The following GNB5 variants were observed in gnomAD, a reference collection of about 807,000 sequenced individuals.
GNB5 encodes G protein subunit beta 5.
A neutral mutation model predicts 55.3 loss-of-function variants in GNB5; 37 were observed. The ratio of observed to expected loss-of-function variants is 0.67; its 90% CI spans 0.51 to 0.88. GNB5 has a LOEUF of 0.88. GNB5 is among the 40% of genes least tolerant of loss of function. The pLI is 0.00. For synonymous variants in GNB5, 219 were observed against 198.5 expected (o/e 1.10, Z -0.87); for missense variants, 476 against 515.3 (o/e 0.92, Z 0.74).
chr15:52,124,515 A>G lies in GNB5; in HGVS notation c.1134T>C (p.Asp378=). The part of the protein sequence containing the change: ...NRVSTLRVSP[D]GTAFCSGSWD... ...ATGATCCAGAGCAGAAAGCAGTCCC[A>G]TCGGGGGAAACTCGTAGAGTGCTAA... Residue 378 remains aspartate (D), a synonymous_variant, in exon 12 of 13, where the codon GAT becomes GAC. Coordinates refer to ENST00000261837, the MANE Select transcript of GNB5 (RefSeq NM_016194.4). 3.7e-6 allele frequency: 6 copies of G among 1,614,076 alleles called. No individual in the cohort carries two copies. Among genetic ancestry groups the G allele is most frequent in the Non-Finnish European group, 5.1e-6 (6 of 1,179,888 alleles).
chr15:52,179,848 G>T lies in GNB5; in HGVS notation c.158C>A (p.Thr53Lys). 1 of 1,553,844 alleles carries T rather than the reference G, an allele frequency of 6.4e-7. No individual in the cohort carries two copies. Among genetic ancestry groups the T allele is most frequent in the Non-Finnish European group, 8.7e-7 (1 of 1,151,306 alleles). The change falls in exon 3 of 13, where the codon ACG (threonine) becomes AAG (lysine). Residue 53 changes from threonine to lysine, a missense_variant. Transcript: ENST00000261837. ...GGCCTCGCTCTTCAGCGACGCCAGC[G>T]TCTCGTTCTCGTGCAGCCCCTCGGT... ...MATEGLHENE[T>K]LASLKSEAES...
rs1003548229 is a variant in GNB5 at position 52,117,880 on chromosome 15, G to C, written c.*4877C>G. ...GCAGTGCAGGAACCTGCCATGGGTG[G>C]GACGATTCTTCTCAGCAGGCAAGTT... On this transcript the variant is annotated 3_prime_UTR_variant, in exon 13 of 13. Coordinates refer to ENST00000261837, the MANE Select transcript of GNB5 (RefSeq NM_016194.4). The C allele has an allele frequency of 4.6e-5, 7 of 152,484 alleles. No homozygotes were observed. Among genetic ancestry groups the C allele is most frequent in the African/African-American group, 1.7e-4 (7 of 41,474 alleles). 9.4% of individuals were successfully genotyped at this position (152,484 alleles called of 1,614,324 possible).
chr15:52,163,183 G>A (rs1413701906), intron 3 of GNB5, among the ~76,000 whole-genome samples: 3 of 152,188 alleles, frequency 2.0e-5, no homozygotes, highest in Admixed American at 1.3e-4. Context: ...CCTGTGGATC[G>A]GGAGATCACC....
At chr15:52,179,705 T>C (rs1033291614) in intron 3 of GNB5, 63 bp downstream of exon 3, 171 of 633,422 alleles carry the variant, frequency 2.7e-4, no homozygotes, top group Non-Finnish European at 3.7e-4. Flanking sequence ...GCCCCCGCCG[T>C]CCCCGCCCGG....
At chr15:52,125,283 A>AT (rs916173905) in intron 11 of GNB5, 16 of 148,912 alleles carry the variant, frequency 1.1e-4, no homozygotes, top group South Asian at 2.1e-4. Flanking sequence ...GAAGGGACTC[A>AT]TTTTTTTTTT....
At chr15:52,163,513 C>T (rs1279432697) in intron 3 of GNB5, among the ~76,000 whole-genome samples, 1 of 152,202 alleles carries the variant, frequency 6.6e-6, no homozygotes, top group Non-Finnish European at 1.5e-5. Context: ...GGGACAGACA[C>T]TATCTCTGCA....
chr15:52,163,965 C>A (rs1385366879), intron 3 of GNB5, among the ~76,000 whole-genome samples: 1 of 152,046 alleles, frequency 6.6e-6, no homozygotes, highest in Non-Finnish European at 1.5e-5. Flanking sequence ...CTGGAGTGGA[C>A]CCCCAGCAAA....
intron 7 of GNB5, among the ~76,000 whole-genome samples, chr15:52,138,138 T>C (rs772715375): frequency 6.6e-6 from 1 of 151,964 alleles, no homozygotes. Flanking sequence ...TTCCCAGCAC[T>C]TTGGGAGGCT....
chr15:52,131,735 T>C (rs1337991371), intron 9 of GNB5, among the ~76,000 whole-genome samples: 1 of 152,240 alleles, frequency 6.6e-6, no homozygotes, highest in African/African-American at 2.4e-5. Flanking sequence ...GCAAGTATTC[T>C]TTTTTGTTCT....
intron 7 of GNB5, among the ~76,000 whole-genome samples, chr15:52,140,887 G>A (rs533744411): frequency 1.4e-4 from 21 of 152,186 alleles, no homozygotes; most frequent in East Asian, 9.7e-4. Flanking sequence ...TCCCACCCTC[G>A]CCAAGTCAAT....
intron 3 of GNB5, among the ~76,000 whole-genome samples, chr15:52,156,644 C>T (rs2034212620): frequency 6.6e-6 from 1 of 152,102 alleles, no homozygotes. Context: ...GGTGGGAGAA[C>T]TGCTTGAGCC....
chr15:52,156,908 G>A (rs1301463033), intron 3 of GNB5, among the ~76,000 whole-genome samples: 1 of 150,850 alleles, frequency 6.6e-6, no homozygotes, highest in African/African-American at 2.4e-5. Context: ...ATCGAATGAA[G>A]TTTAAAAATA....
At chr15:52,139,624 A>G (rs1174633490) in intron 7 of GNB5, 2 of 285,778 alleles carry the variant, frequency 7.0e-6, no homozygotes, top group African/African-American at 2.2e-5. Flanking sequence ...TGAAGCACGC[A>G]GAAATTCAAA....
chr15:52,153,848 C>T (rs916015861), intron 4 of GNB5, 92 bp downstream of exon 4: 7 of 1,113,648 alleles, frequency 6.3e-6, no homozygotes, highest in Non-Finnish European at 9.1e-6. Context: ...TCACAAAGAT[C>T]AGAAAAGGGC....
At chr15:52,147,582 C>CTT (rs751616514) in intron 5 of GNB5, 47 bp from the exon 6 acceptor site, 350 of 802,218 alleles carry the variant, frequency 4.4e-4, no homozygotes, top group East Asian at 8.9e-4. Context: ...ACACAAAAAT[C>CTT]TTTTTTTTTT....
intron 9 of GNB5, chr15:52,128,470 T>G (rs958994260): frequency 3.2e-6 from 2 of 617,270 alleles, no homozygotes; most frequent in East Asian, 5.5e-5. Context: ...ATAATATGTG[T>G]TGATATCAGG....
In GNB5 at chr15:52,119,495, G is replaced by C. The variant is rs1469328324; in HGVS notation, c.*3262C>G. On this transcript the variant is annotated 3_prime_UTR_variant, in exon 13 of 13. Coordinates refer to ENST00000261837, the MANE Select transcript of GNB5 (RefSeq NM_016194.4). ...AGGGGGAAATGGGAGAGAGGGAGGA[G>C]AGAGGGAGGAGGAGGGGAAGGGAAG... The C allele has an allele frequency of 8.3e-6, 1 of 120,460 alleles. No individual in the cohort carries two copies. The highest frequency in any genetic ancestry group is 3.3e-5 in the African/African-American group (1 of 30,626). 7.5% of individuals were successfully genotyped at this position (120,460 alleles called of 1,614,324 possible).
intron 3 of GNB5, among the ~76,000 whole-genome samples, chr15:52,171,093 C>CA (rs58181494): frequency 0.099 from 6,817 of 68,766 alleles, 125 homozygotes; most frequent in Non-Finnish European, 0.16. Flanking sequence ...ACTCTATCTC[C>CA]AAAAAAAAAA....
chr15:52,130,799 G>T (rs2033554174), intron 9 of GNB5, among the ~76,000 whole-genome samples: 1 of 152,180 alleles, frequency 6.6e-6, no homozygotes, highest in Non-Finnish European at 1.5e-5. Flanking sequence ...CAGGGGAGAT[G>T]AAACAGCTCA....
Sources: gnomAD v4.1 joint callset for allele counts (sites outside exome capture counted in the v4.1 genomes callset) on GRCh38, gnomAD v4.1.1 for gene constraint, MANE v1.5 for transcripts, NCBI Gene and HGNC (gene_info 2026-07-23, HGNC 2026-07-21) for gene names.